GUCY1A1: variants seen among roughly 807,000 people sequenced by gnomAD.
GUCY1A1 encodes the protein guanylate cyclase soluble subunit alpha-1.
GUCY1A1 carries 48 observed loss-of-function variants against 64.5 expected under a neutral mutation model. That is an observed-to-expected ratio of 0.74 (90% CI 0.59 to 0.95). The LOEUF (loss-of-function observed/expected upper bound fraction) is 0.95. Among genes scored for constraint, GUCY1A1 ranks in the 40% least tolerant of loss-of-function variants. The pLI is 0.00. For missense variants in GUCY1A1, 804 were observed against 825.3 expected (o/e 0.97, Z 0.32); for synonymous variants, 308 against 303.4 (o/e 1.02, Z -0.16).
At chr4:155,714,702 A>G (rs992298057) in intron 7 of GUCY1A1, among the ~76,000 whole-genome samples, 1 of 152,224 alleles carries the variant, frequency 6.6e-6, no homozygotes, top group Non-Finnish European at 1.5e-5. Flanking sequence ...ATGATAATAC[A>G]TAAGCTCTTG....
chr4:155,694,335 G>A (rs528538837), intron 2 of GUCY1A1, among the ~76,000 whole-genome samples: 1 of 152,094 alleles, frequency 6.6e-6, no homozygotes, highest in African/African-American at 2.4e-5. Context: ...TTGAGCCCAG[G>A]AGTTACAGAC....
chr4:155,696,785 A>T lies in GUCY1A1; in HGVS notation c.-83A>T. ...CCCAGTTACCAGTGTCCTTGAATTG[A>T]TAGTGGCTTCTGTTTGTCAGTCTCA... On this transcript the variant is annotated 5_prime_UTR_variant, in exon 3 of 10. Transcript: ENST00000506455. The T allele has an allele frequency of 5.4e-6, 7 of 1,304,146 alleles. No homozygotes were observed. In the South Asian group the frequency reaches 9.3e-5, roughly 17 times the overall value. 80.8% of individuals were successfully genotyped at this position (1,304,146 alleles called of 1,614,324 possible).
At chr4:155,683,307 A>G (rs1230636387) in intron 2 of GUCY1A1, among the ~76,000 whole-genome samples, 1 of 152,224 alleles carries the variant, frequency 6.6e-6, no homozygotes, top group Non-Finnish European at 1.5e-5. Context: ...TGTCATTTAC[A>G]GAGGTGTGTT....
intron 7 of GUCY1A1, among the ~76,000 whole-genome samples, 193 bp downstream of exon 7, chr4:155,713,776 G>T (rs1374592617): frequency 6.6e-6 from 1 of 152,128 alleles, no homozygotes; most frequent in African/African-American, 2.4e-5. Flanking sequence ...AATCTGCCCA[G>T]AAACAGAGAT....
intron 2 of GUCY1A1, among the ~76,000 whole-genome samples, chr4:155,687,568 T>C (rs1170471244): frequency 1.3e-5 from 2 of 152,222 alleles, no homozygotes; most frequent in African/African-American, 4.8e-5. Context: ...TCAACATGTA[T>C]TCCTCCCATA....
chr4:155,734,077 A>G lies in GUCY1A1; in HGVS notation c.*3846A>G, dbSNP rs781466036. On this transcript the variant is annotated 3_prime_UTR_variant, in exon 10 of 10. Transcript: ENST00000506455. Reference sequence around the variant, plus strand: ...TTCTTCCAAATTTCTTCTCCCTGATATTTCCAGCCACGCCAAGGCAAAGAC... The same window carrying G: ...TTCTTCCAAATTTCTTCTCCCTGATGTTTCCAGCCACGCCAAGGCAAAGAC... Among the ~76,000 whole-genome samples, 1 of 151,894 alleles carries G rather than the reference A, an allele frequency of 6.6e-6. No individual in the cohort carries two copies. Among genetic ancestry groups the G allele is most frequent in the Admixed American group, 6.6e-5 (1 of 15,224 alleles).
At chr4:155,710,465 T>C (rs759380252) in intron 5 of GUCY1A1, 77 bp from the exon 6 acceptor site, 5 of 897,200 alleles carry the variant, frequency 5.6e-6, no homozygotes, top group Non-Finnish European at 8.7e-6. Flanking sequence ...ATAACGCAAG[T>C]TGAAAATAGG....
At chr4:155,672,957 T>C (rs1315490148) in intron 2 of GUCY1A1, among the ~76,000 whole-genome samples, 2 of 152,252 alleles carry the variant, frequency 1.3e-5, no homozygotes, top group Non-Finnish European at 2.9e-5. Context: ...AGTTTTGTTC[T>C]ACTTTTATAA....
chr4:155,671,173 T>G (rs1734097761), intron 2 of GUCY1A1, among the ~76,000 whole-genome samples: 2 of 152,274 alleles, frequency 1.3e-5, no homozygotes, highest in African/African-American at 4.8e-5. Context: ...GGAGCTATGG[T>G]CTTGGTGACA....
chr4:155,672,545 T>C (rs1224549678), intron 2 of GUCY1A1, among the ~76,000 whole-genome samples: 1 of 152,220 alleles, frequency 6.6e-6, no homozygotes, highest in African/African-American at 2.4e-5. Flanking sequence ...GCAGAATAGA[T>C]GTCAAGTAAC....
chr4:155,680,901 G>A (rs1735639639), intron 2 of GUCY1A1, among the ~76,000 whole-genome samples: 1 of 149,970 alleles, frequency 6.7e-6, no homozygotes, highest in Non-Finnish European at 1.5e-5. Context: ...TTGAATCTGT[G>A]TTGTTCAAGG....
intron 4 of GUCY1A1, among the ~76,000 whole-genome samples, chr4:155,706,523 T>C (rs914495481): frequency 2.9e-5 from 4 of 135,684 alleles, no homozygotes; most frequent in African/African-American, 6.3e-5. Flanking sequence ...CCCCCTCCTC[T>C]TTTTTTTTTT....
intron 6 of GUCY1A1, among the ~76,000 whole-genome samples, chr4:155,712,201 G>A (rs1273885580): frequency 6.6e-6 from 1 of 152,152 alleles, no homozygotes; most frequent in Non-Finnish European, 1.5e-5. Context: ...CGTGTTCTCA[G>A]CTCACTGCAA....
At chr4:155,672,031 A>G (rs1322883793) in intron 2 of GUCY1A1, among the ~76,000 whole-genome samples, 2 of 149,904 alleles carry the variant, frequency 1.3e-5, no homozygotes, top group African/African-American at 2.5e-5. Context: ...TTTTTTTTGC[A>G]CTCATACAAC....
rs111659733 is a variant in GUCY1A1 at position 155,715,470 on chromosome 4, C to T, written c.1573-1689C>T. ...TATCCAGCATTTGCCAGCATGGGTG[C>T]GCAGTGGCTACAGAGCTAGAGGGTA... On this transcript the variant is annotated intron_variant, in intron 7 of 9. Transcript: ENST00000506455. 7.7e-3 allele frequency among the ~76,000 whole-genome samples: 1,179 copies of T among 152,202 alleles called. 16 individuals are homozygous for T. Among genetic ancestry groups the T allele is most frequent in the African/African-American group, 0.025 (1,044 of 41,516 alleles).
intron 2 of GUCY1A1, among the ~76,000 whole-genome samples, chr4:155,670,577 T>C (rs1734011842): frequency 6.6e-6 from 1 of 152,154 alleles, no homozygotes; most frequent in African/African-American, 2.4e-5. Flanking sequence ...AACAGAGTTA[T>C]TTTGGAGGGG....
At chr4:155,722,703 TG>T (rs1306980867) in intron 9 of GUCY1A1, 1 of 152,890 alleles carries the variant, frequency 6.5e-6, no homozygotes, top group Non-Finnish European at 1.5e-5. Flanking sequence ...TTATCTAAAA[TG>T]ACTCACAATA....
rs1731159159 is a variant in GUCY1A1 at position 155,702,099 on chromosome 4, G to T, written c.256-1833G>T. On this transcript the variant is annotated intron_variant, in intron 3 of 9. Transcript: ENST00000506455. Reference sequence around the variant, plus strand: ...TACCATTGTAGGTTTTGGATGGAGGGGTAAGCAAAACCGACACTCTCTGCC... The same window carrying T: ...TACCATTGTAGGTTTTGGATGGAGGTGTAAGCAAAACCGACACTCTCTGCC... Among the ~76,000 whole-genome samples the T allele has an allele frequency of 2.0e-5, 3 of 152,094 alleles. No individual in the cohort carries two copies. In the South Asian group the frequency reaches 6.2e-4, roughly 32 times the overall value.
chr4:155,720,794 T>C (rs1733870228), intron 8 of GUCY1A1, among the ~76,000 whole-genome samples: 1 of 152,170 alleles, frequency 6.6e-6, no homozygotes, highest in African/African-American at 2.4e-5. Context: ...AACGCATACA[T>C]CTAATACAAC....
Sources: gnomAD v4.1 joint callset for allele counts (sites outside exome capture counted in the v4.1 genomes callset) on GRCh38, gnomAD v4.1.1 for gene constraint, MANE v1.5 for transcripts, NCBI Gene and HGNC (gene_info 2026-07-23, HGNC 2026-07-21) for gene names.